Variants in DNAH10 observed in about 807,000 individuals in gnomAD.
The protein encoded by DNAH10 is axonemal beta dynein heavy chain 10.
Under a neutral mutation model 506.6 loss-of-function variants are expected in DNAH10, and 348 were observed. The ratio of observed to expected loss-of-function variants is 0.69; its 90% CI spans 0.63 to 0.75. The LOEUF (loss-of-function observed/expected upper bound fraction) is 0.75, where lower values mean the gene tolerates loss of function less well. Ranked by LOEUF, DNAH10 falls within the 30% of genes least tolerant of loss-of-function variation. DNAH10 has a pLI of 0.00. For missense variants in DNAH10, 5,179 were observed against 5,787.1 expected (o/e 0.89, Z 3.41); for synonymous variants, 2,059 against 2,198.6 (o/e 0.94, Z 1.78).
At position 123,785,348 on chromosome 12, in the gene DNAH10, A is replaced by G. The variant is rs1957807305; in HGVS notation, c.1231-398A>G. Among the ~76,000 whole-genome samples the G allele has an allele frequency of 6.6e-6, 1 of 152,168 alleles. No homozygotes were observed. The highest frequency in any genetic ancestry group is 1.5e-5 in the Non-Finnish European group (1 of 68,034). On this transcript the variant is annotated intron_variant, in intron 8 of 78. Transcript: ENST00000673944. The surrounding 1 kb of genome is among the most constrained non-coding windows in gnomAD (Gnocchi z 4.1). Reference sequence around the variant, plus strand: ...TATGTACTTAATGTGCTTATTGTCAATTTCATATTGTTGGTGAAATGTCTG... The same window carrying G: ...TATGTACTTAATGTGCTTATTGTCAGTTTCATATTGTTGGTGAAATGTCTG...
chr12:123,931,221 A>T (rs913361624), intron 73 of DNAH10, 120 bp from the exon 74 acceptor site: 1 of 1,439,248 alleles, frequency 6.9e-7, no homozygotes, highest in Non-Finnish European at 9.2e-7. Flanking sequence ...AAAAAAAAAA[A>T]AAGTCACCCT....
chr12:123,924,486 C>T (rs539267812), intron 67 of DNAH10, 54 bp downstream of exon 67: 2 of 1,590,812 alleles, frequency 1.3e-6, no homozygotes, highest in African/African-American at 1.3e-5. Flanking sequence ...CAACAATCTC[C>T]AAACCTCAAC....
intron 21 of DNAH10, among the ~76,000 whole-genome samples, chr12:123,817,563 C>T (rs1294070317): frequency 6.6e-6 from 1 of 152,154 alleles, no homozygotes; most frequent in Admixed American, 6.5e-5. Context: ...CTGTGCTCTA[C>T]CAAAATTCTC....
chr12:123,889,245 A>C (rs376276788), intron 52 of DNAH10, among the ~76,000 whole-genome samples: 2 of 152,170 alleles, frequency 1.3e-5, no homozygotes, highest in Admixed American at 6.5e-5. Flanking sequence ...GCGTGCCACT[A>C]TCTAGAGTTC....
chr12:123,932,885 A>T (rs1421337175), intron 76 of DNAH10, among the ~76,000 whole-genome samples: 1 of 152,050 alleles, frequency 6.6e-6, no homozygotes, highest in Non-Finnish European at 1.5e-5. Context: ...TTTCTCATTG[A>T]TGTTTAAGAG....
chr12:123,898,705 C>T lies in DNAH10; in HGVS notation c.9531C>T (p.Ile3177=). The change falls in exon 56 of 79, where the codon ATC becomes ATT. Residue 3177 remains isoleucine (I), a synonymous_variant. Coordinates refer to ENST00000673944, the MANE Select transcript of DNAH10 (RefSeq NM_001372106.1). The part of the protein sequence containing the change: ...GGLDKLKEAT[I]QLDELNQKLA... ...TGGACAAGCTGAAGGAGGCCACCATCCAGCTGGACGAGCTGAACCAGAAGC... is the reference window on the plus strand; with the variant it reads ...TGGACAAGCTGAAGGAGGCCACCATTCAGCTGGACGAGCTGAACCAGAAGC... The T allele has an allele frequency of 1.9e-6, 3 of 1,602,368 alleles. No individual in the cohort carries two copies. The highest frequency in any genetic ancestry group is 2.6e-6 in the Non-Finnish European group (3 of 1,174,844).
rs1953336273 is a variant in DNAH10, at chr12:123,898,060, C to G, written c.9478+93C>G. 3 of 1,237,080 alleles carry G rather than the reference C, an allele frequency of 2.4e-6. No individual in the cohort carries two copies. The Admixed American group carries it at 1.0e-4, about 41-fold the overall frequency. 76.6% of individuals were successfully genotyped at this position (1,237,080 alleles called of 1,614,324 possible). ...TCTTTTCTTTAGTAAGATGGGGCAT[C>G]TTCAGTATTGAGGCCAAACGAAGCA... On this transcript the variant is annotated intron_variant, in intron 55 of 78. Transcript: ENST00000673944.
chr12:123,848,625 A>G, intron 33 of DNAH10, 105 bp from the exon 34 acceptor site: 1 of 1,449,832 alleles, frequency 6.9e-7, no homozygotes, highest in Non-Finnish European at 9.3e-7. Context: ...TCTGCCAATC[A>G]GTGATCTCAT....
At chr12:123,857,335 T>C in intron 37 of DNAH10, 88 bp downstream of exon 37, 1 of 1,166,866 alleles carries the variant, frequency 8.6e-7, no homozygotes, top group Non-Finnish European at 1.2e-6. Flanking sequence ...ATATGTACAG[T>C]AAAATACGCA....
At chr12:123,898,901 C>T in intron 56 of DNAH10, 87 bp downstream of exon 56, 1 of 1,466,032 alleles carries the variant, frequency 6.8e-7, no homozygotes, top group Non-Finnish European at 9.0e-7. Context: ...GCAGCCCATC[C>T]CGAGCAGGAC....
rs553461099 is a variant in DNAH10 at position 123,783,005 on chromosome 12, C to G, written c.842-102C>G. On this transcript the variant is annotated intron_variant, in intron 6 of 78. Transcript: ENST00000673944. ...AGGGGATGCGTCAGACCTTATTATA[C>G]TGATGAAGCTTGAGAGACGACCCAG... The G allele has an allele frequency of 3.3e-5, 34 of 1,029,674 alleles. No homozygotes were observed. In the African/African-American group the frequency reaches 4.6e-4, roughly 14 times the overall value. The allele number at this position is 1,029,674 out of a possible 1,614,324, so 63.8% of individuals were successfully genotyped here.
rs758509125 is a variant in DNAH10 at position 123,767,632 on chromosome 12, G to A, written c.241G>A (p.Gly81Arg). ...TGAGATACCTGTCCTGTCTGAAGAG[G>A]GAGAAGAGGAAGAAGAGACTTATTC... Reference protein sequence around the residue: ...IDEIPVLSEEGEEEEETYSQK... With the variant: ...IDEIPVLSEEREEEEETYSQK... Residue 81 changes from glycine to arginine, a missense_variant, in exon 2 of 79, where the codon GGA becomes AGA. Physicochemically the swap from Gly to Arg is moderately radical, Grantham distance 125. Transcript: ENST00000673944. 1 of 1,612,896 alleles carries A rather than the reference G, an allele frequency of 6.2e-7. No individual in the cohort carries two copies. The highest frequency in any genetic ancestry group is 1.7e-5 in the Admixed American group (1 of 59,914).
At chr12:123,821,361 C>T (rs911621735) in intron 24 of DNAH10, among the ~76,000 whole-genome samples, 8 of 152,322 alleles carry the variant, frequency 5.3e-5, no homozygotes, top group South Asian at 2.1e-4. Context: ...GACAAAGTCT[C>T]GCTCTAACAC....
At chr12:123,778,144 A>G (rs188927728) in intron 5 of DNAH10, among the ~76,000 whole-genome samples, 1 of 152,136 alleles carries the variant, frequency 6.6e-6, no homozygotes, top group African/African-American at 2.4e-5. Context: ...TTAAGGTTGC[A>G]GTGCATGGTG....
At position 123,925,398 on chromosome 12, in the gene DNAH10, G is replaced by A. The variant is rs58788131; in HGVS notation, c.11921+194G>A. The A allele has an allele frequency of 0.02, 13,749 of 679,380 alleles. 1,042 individuals are homozygous for A. Among genetic ancestry groups the A allele is most frequent in the African/African-American group, 0.19 (10,206 of 55,018 alleles). 42.1% of individuals were successfully genotyped at this position (679,380 alleles called of 1,614,324 possible). ...AACAGTGCTAGTCATAAGAAATTCA[G>A]TGTGAGCCACATATGCAGTTTCGAA... On this transcript the variant is annotated intron_variant, in intron 68 of 78. Coordinates refer to ENST00000673944, the MANE Select transcript of DNAH10 (RefSeq NM_001372106.1). The surrounding 1 kb of genome is among the most constrained non-coding windows in gnomAD (Gnocchi z 4.0).
At chr12:123,892,239 G>A (rs1276362135) in intron 52 of DNAH10, among the ~76,000 whole-genome samples, 1 of 152,226 alleles carries the variant, frequency 6.6e-6, no homozygotes, top group Non-Finnish European at 1.5e-5. Flanking sequence ...GCATGGTGCT[G>A]ATTTCTGGGG....
intron 18 of DNAH10, among the ~76,000 whole-genome samples, chr12:123,807,867 A>AGGGG (rs1958748064): frequency 3.5e-4 from 1 of 2,888 alleles, no homozygotes; most frequent in South Asian, 0.01. Context: ...GGAGAGGGAG[A>AGGGG]GAGAAACAGG....
intron 21 of DNAH10, among the ~76,000 whole-genome samples, chr12:123,816,200 G>A (rs1286026495): frequency 6.6e-6 from 1 of 152,226 alleles, no homozygotes; most frequent in African/African-American, 2.4e-5. Flanking sequence ...AGTGACAAGA[G>A]TGTCTTTTGT....
intron 26 of DNAH10, among the ~76,000 whole-genome samples, chr12:123,832,883 A>C (rs1351748654): frequency 6.6e-6 from 1 of 152,074 alleles, no homozygotes; most frequent in East Asian, 1.9e-4. Context: ...ACTTTGAGGT[A>C]TTTGCTTTGA....
Sources: allele counts gnomAD v4.1 joint callset (sites outside exome capture counted in the v4.1 genomes callset), GRCh38; gene constraint gnomAD v4.1.1; non-coding constraint Gnocchi (gnomAD v3.1); transcripts MANE v1.5; gene names NCBI Gene and HGNC (gene_info 2026-07-23, HGNC 2026-07-21).